Variants in SUPT7L observed in about 807,000 individuals in gnomAD.
The protein encoded by SUPT7L is STAGA complex 65 subunit gamma.
SUPT7L carries 15 observed loss-of-function variants against 35.7 expected under a neutral mutation model. The ratio of observed to expected loss-of-function variants is 0.42; its 90% CI spans 0.28 to 0.65. The LOEUF is 0.65. Ranked by LOEUF, SUPT7L falls within the 30% of genes least tolerant of loss-of-function variation. The pLI, the probability that SUPT7L is intolerant of heterozygous loss-of-function variation, is 0.23. For missense variants in SUPT7L, 434 were observed against 522.2 expected (o/e 0.83, Z 1.65); for synonymous variants, 168 against 186.2 (o/e 0.90, Z 0.79).
chr2:27,659,007 G>A (rs1211722234), intron 3 of SUPT7L, among the ~76,000 whole-genome samples: 1 of 152,058 alleles, frequency 6.6e-6, no homozygotes, highest in Non-Finnish European at 1.5e-5. Flanking sequence ...ATATAAATTT[G>A]ATACAAAACT....
chr2:27,661,716 CAA>C, intron 2 of SUPT7L: 3 of 904,652 alleles, frequency 3.3e-6, no homozygotes, highest in Non-Finnish European at 4.4e-6. Flanking sequence ...CCAATAGCTA[CAA>C]CAGCATCTGG....
Position 27,662,215 on chromosome 2 carries a change from CAACA to C in SUPT7L, c.-27_-24del. 4 of 1,613,766 alleles carry C rather than the reference CAACA, an allele frequency of 2.5e-6. No homozygotes were observed. The highest frequency in any genetic ancestry group is 2.5e-6 in the Non-Finnish European group (3 of 1,179,720). On this transcript the variant is annotated 5_prime_UTR_variant, in exon 2 of 6. Coordinates refer to ENST00000337768, the MANE Select transcript of SUPT7L (RefSeq NM_014860.3). ...CATTGTCCATATGTCTCTTCAAGTT[CAACA>C]AACATTTATCAAATGCCAGGCATTC...
At position 27,652,413 on chromosome 2, in the gene SUPT7L, T is replaced by C. The variant is rs1674599565; in HGVS notation, c.*1072A>G. 1 of 152,366 alleles carries C rather than the reference T, an allele frequency of 6.6e-6. No individual in the cohort carries two copies. Among genetic ancestry groups the C allele is most frequent in the Non-Finnish European group, 1.5e-5 (1 of 68,042 alleles). 9.4% of individuals were successfully genotyped at this position (152,366 alleles called of 1,614,324 possible). Reference sequence around the variant, plus strand: ...GCATCAGAAAATCAAACTTCAGCAGTTTAACATGCTGGCATCCATCACCAA... The same window carrying C: ...GCATCAGAAAATCAAACTTCAGCAGCTTAACATGCTGGCATCCATCACCAA... On this transcript the variant is annotated 3_prime_UTR_variant, in exon 6 of 6. Transcript: ENST00000337768.
At chr2:27,656,168 A>C (rs1674798961) in intron 4 of SUPT7L, among the ~76,000 whole-genome samples, 1 of 152,210 alleles carries the variant, frequency 6.6e-6, no homozygotes, top group African/African-American at 2.4e-5. Flanking sequence ...AAAGGGAAAA[A>C]AAAGTTGACA....
rs1177073998 is a variant in SUPT7L, at chr2:27,660,971, AGCCTT to A, written c.419+8_419+12del. The A allele has an allele frequency of 1.9e-6, 3 of 1,607,780 alleles. No homozygotes were observed. The highest frequency in any genetic ancestry group is 1.7e-6 in the Non-Finnish European group (2 of 1,175,722). The stretch of plus-strand genomic sequence containing the variant: ...ACTTGAGAAAAGTAAGATACAGCAA[AGCCTT>A]GCCTTACCGATAAAAGTCACTCTCT... On this transcript the variant is annotated splice_region_variant and intron_variant, in intron 3 of 5. Transcript: ENST00000337768.
At chr2:27,647,689 T>C (rs117123253), downstream of SUPT7L, 624 of 584,364 alleles carry the variant, frequency 1.1e-3, 9 homozygotes, top group East Asian at 0.017. Flanking sequence ...TGTTAAGTGG[T>C]ATTAACAATA....
chr2:27,658,133 T>G (rs1674889438), intron 3 of SUPT7L, among the ~76,000 whole-genome samples: 1 of 152,228 alleles, frequency 6.6e-6, no homozygotes, highest in South Asian at 2.1e-4. Context: ...CCCAGGAGTT[T>G]AAGATTCTTA....
At chr2:27,642,958 T>TATATACACACACAC in the SUPT7L span, among the ~76,000 whole-genome samples, 14 of 122,662 alleles carry the variant, frequency 1.1e-4, no homozygotes, top group South Asian at 2.8e-4. Context: ...TATATATATA[T>TATATACACACACAC]ACACACACAC....
At position 27,652,522 on chromosome 2, in the gene SUPT7L, T is replaced by C. The variant is rs890138738; in HGVS notation, c.*963A>G. 2.0e-5 allele frequency: 3 copies of C among 152,474 alleles called. No homozygotes were observed. Among genetic ancestry groups the C allele is most frequent in the South Asian group, 2.1e-4 (1 of 4,830 alleles). 9.4% of individuals were successfully genotyped at this position (152,474 alleles called of 1,614,324 possible). ...TTAATAAATACTGATTCAGTACTTA[T>C]ATATACAGATAGTCTGATGGATGAG... On this transcript the variant is annotated 3_prime_UTR_variant, in exon 6 of 6. Coordinates refer to ENST00000337768, the MANE Select transcript of SUPT7L (RefSeq NM_014860.3).
intron 5 of SUPT7L, 52 bp downstream of exon 5, chr2:27,655,313 C>A: frequency 6.8e-7 from 1 of 1,479,356 alleles, no homozygotes; most frequent in Non-Finnish European, 9.0e-7. Flanking sequence ...GCAAAAAGTA[C>A]TGAAATTGGC....
the SUPT7L span, among the ~76,000 whole-genome samples, chr2:27,645,739 A>G: frequency 6.7e-6 from 1 of 149,720 alleles, no homozygotes. Flanking sequence ...ATCTTTATGT[A>G]TTTGTTTTGA....
chr2:27,657,040 G>A lies in SUPT7L; in HGVS notation c.744+305C>T, dbSNP rs915300635. Among the ~76,000 whole-genome samples, 3 of 152,180 alleles carry A rather than the reference G, an allele frequency of 2.0e-5. No homozygotes were observed. Among genetic ancestry groups the A allele is most frequent in the African/African-American group, 7.2e-5 (3 of 41,436 alleles). ...GTAACTGCTGAATCCCACAATGCTC[G>A]ACTCTCAACAGGCACTCAATAAATA... On this transcript the variant is annotated intron_variant, in intron 4 of 5. Transcript: ENST00000337768. This position sits in a 1 kb window ranked among gnomAD's most constrained non-coding sequence, Gnocchi z 5.2.
At chr2:27,654,259 C>G (rs1421312459) in intron 5 of SUPT7L, among the ~76,000 whole-genome samples, 2 of 152,206 alleles carry the variant, frequency 1.3e-5, no homozygotes, top group Non-Finnish European at 2.9e-5. Flanking sequence ...GTCCCGAAGT[C>G]CGCAACAATT....
downstream of SUPT7L, among the ~76,000 whole-genome samples, chr2:27,646,197 A>G (rs941322886): frequency 1.3e-5 from 2 of 151,760 alleles, no homozygotes; most frequent in African/African-American, 4.8e-5. Flanking sequence ...ACATGCCACC[A>G]CGCCCAGCTA....
chr2:27,663,376 C>A lies in SUPT7L; in HGVS notation c.-137G>T. On this transcript the variant is annotated 5_prime_UTR_variant, in exon 1 of 6. Transcript: ENST00000337768. ...CACGGAGCCCAAGGAATGCCCAAGTCCCTCCAGGGGTTTCCTCGGTCACGG... is the reference window on the plus strand; with the variant it reads ...CACGGAGCCCAAGGAATGCCCAAGTACCTCCAGGGGTTTCCTCGGTCACGG... 1 of 201,476 alleles carries A rather than the reference C, an allele frequency of 5.0e-6. No individual in the cohort carries two copies. The highest frequency in any genetic ancestry group is 1.2e-4 in the East Asian group (1 of 8,224). 12.5% of individuals were successfully genotyped at this position (201,476 alleles called of 1,614,324 possible).
chr2:27,663,528 A>C lies in SUPT7L; in HGVS notation c.-289T>G. 1 of 536,518 alleles carries C rather than the reference A, an allele frequency of 1.9e-6. No homozygotes were observed. The highest frequency in any genetic ancestry group is 3.3e-6 in the Non-Finnish European group (1 of 298,576). 33.2% of individuals were successfully genotyped at this position (536,518 alleles called of 1,614,324 possible). A position where few individuals can be genotyped will look rare whatever the true frequency, so the allele number is the denominator to read the frequency against. On this transcript the variant is annotated 5_prime_UTR_variant, in exon 1 of 6. Coordinates refer to ENST00000337768, the MANE Select transcript of SUPT7L (RefSeq NM_014860.3). The stretch of plus-strand genomic sequence containing the variant: ...CACACTATTCACTGCTGCGTCGCAG[A>C]GCGGGCTGGGCGGCTGTCTGGACCT...
In SUPT7L at chr2:27,650,891, T is replaced by C. The variant is rs1243839722; in HGVS notation, c.*2594A>G. 1.3e-5 allele frequency: 2 copies of C among 152,806 alleles called. No individual in the cohort carries two copies. The highest frequency in any genetic ancestry group is 2.9e-5 in the Non-Finnish European group (2 of 68,042). The allele number at this position is 152,806 out of a possible 1,614,324, so 9.5% of individuals were successfully genotyped here. On this transcript the variant is annotated 3_prime_UTR_variant, in exon 6 of 6. Coordinates refer to ENST00000337768, the MANE Select transcript of SUPT7L (RefSeq NM_014860.3). ...GTCATGATTTCAAATTAGAAAATTATATAATTGCAAACAGCTTCACTTCTC... is the reference window on the plus strand; with the variant it reads ...GTCATGATTTCAAATTAGAAAATTACATAATTGCAAACAGCTTCACTTCTC...
chr2:27,654,371 T>C (rs1674697963), intron 5 of SUPT7L, among the ~76,000 whole-genome samples: 1 of 152,220 alleles, frequency 6.6e-6, no homozygotes, highest in African/African-American at 2.4e-5. Flanking sequence ...TTTAAAAGTA[T>C]GACCTAATTC....
In SUPT7L at chr2:27,662,267, T is replaced by G; in HGVS notation, c.-75A>C. The G allele has an allele frequency of 6.7e-7, 1 of 1,489,912 alleles. No homozygotes were observed. Among genetic ancestry groups the G allele is most frequent in the Non-Finnish European group, 9.4e-7 (1 of 1,067,050 alleles). The allele number at this position is 1,489,912 out of a possible 1,614,324, so 92.3% of individuals were successfully genotyped here. A position where few individuals can be genotyped will look rare whatever the true frequency, so the allele number is the denominator to read the frequency against. On this transcript the variant is annotated 5_prime_UTR_variant, in exon 2 of 6. Coordinates refer to ENST00000337768, the MANE Select transcript of SUPT7L (RefSeq NM_014860.3). ...TTCTGTGTCGGTCAAAGACTGATAA[T>G]GTGAGATCCTTGCCCTGAAGTGAGG...
Sources: allele counts gnomAD v4.1 joint callset (sites outside exome capture counted in the v4.1 genomes callset), GRCh38; gene constraint gnomAD v4.1.1; non-coding constraint Gnocchi (gnomAD v3.1); transcripts MANE v1.5; gene names NCBI Gene and HGNC (gene_info 2026-07-23, HGNC 2026-07-21).